Variants in TRIM13 observed in about 807,000 individuals in gnomAD.
TRIM13 encodes the protein E3 ubiquitin-protein ligase TRIM13.
Under a neutral mutation model 27.1 loss-of-function variants are expected in TRIM13, and 15 were observed. The ratio of observed to expected loss-of-function variants is 0.55; its 90% CI spans 0.37 to 0.85. The LOEUF (loss-of-function observed/expected upper bound fraction) is 0.85. TRIM13 is among the 40% of genes least tolerant of loss of function. TRIM13 has a pLI of 0.00. For missense variants in TRIM13, 402 were observed against 472.2 expected (o/e 0.85, Z 1.38); for synonymous variants, 193 against 171.5 (o/e 1.13, Z -0.98).
intron 1 of TRIM13, among the ~76,000 whole-genome samples, chr13:50,006,399 T>C (rs921527657): frequency 6.6e-6 from 1 of 152,160 alleles, no homozygotes; most frequent in Admixed American, 6.5e-5. Flanking sequence ...TATTCTTTGT[T>C]TTCTTCTTAT....
At chr13:50,007,470 A>G (rs112834585) in intron 1 of TRIM13, among the ~76,000 whole-genome samples, 24,396 of 142,456 alleles carry the variant, frequency 0.17, 2,380 homozygotes, top group African/African-American at 0.26. Context: ...CAGCCTGGGC[A>G]ACAGTGAGAC....
At position 50,015,954 on chromosome 13, in the gene TRIM13, G is replaced by GTT. The variant is rs756493088; in HGVS notation, c.*2791_*2792insTT. On this transcript the variant is annotated 3_prime_UTR_variant, in exon 2 of 2. Transcript: ENST00000378182. Reference sequence around the variant, plus strand: ...CAACCTTCAGCGCCGACCTGGAATGGTAACTTTTTCCCTCCTCAGATGACC... The same window carrying GTT: ...CAACCTTCAGCGCCGACCTGGAATGGTTTAACTTTTTCCCTCCTCAGATGACC... The GTT allele has an allele frequency of 6.2e-7, 1 of 1,614,062 alleles. No homozygotes were observed. The highest frequency in any genetic ancestry group is 2.2e-5 in the East Asian group (1 of 44,876).
intron 1 of TRIM13, among the ~76,000 whole-genome samples, chr13:50,011,044 C>T (rs533846179): frequency 5.9e-5 from 9 of 152,228 alleles, no homozygotes; most frequent in African/African-American, 1.7e-4. Flanking sequence ...TAAGTGAAAC[C>T]GGTACTCCAA....
At chr13:50,011,816 G>A in intron 1 of TRIM13, 119 bp from the exon 2 acceptor site, 1 of 1,243,956 alleles carries the variant, frequency 8.0e-7, no homozygotes, top group East Asian at 2.4e-5. Context: ...TCACTACTTT[G>A]TTTGGCTGGT....
intron 1 of TRIM13, among the ~76,000 whole-genome samples, chr13:50,008,018 C>T (rs1289403415): frequency 6.6e-6 from 1 of 151,780 alleles, no homozygotes; most frequent in Admixed American, 6.6e-5. Flanking sequence ...CATTCTCCTG[C>T]CTCAGCCTCC....
In TRIM13 at chr13:50,015,365, C is replaced by T. The variant is rs1445089501; in HGVS notation, c.*2201C>T. 1 of 723,174 alleles carries T rather than the reference C, an allele frequency of 1.4e-6. No individual in the cohort carries two copies. The highest frequency in any genetic ancestry group is 2.3e-6 in the Non-Finnish European group (1 of 425,584). The allele number at this position is 723,174 out of a possible 1,614,324, so 44.8% of individuals were successfully genotyped here. On this transcript the variant is annotated 3_prime_UTR_variant, in exon 2 of 2. Coordinates refer to ENST00000378182, the MANE Select transcript of TRIM13 (RefSeq NM_213590.3). ...TACCTTACAGTAGTTTCCTGGGAAT[C>T]TAAGTCTGGTTTTTGTTATTCTTCC...
chr13:50,016,191 G>T lies in TRIM13; in HGVS notation c.*3027G>T. 1.4e-6 allele frequency: 1 copy of T among 733,590 alleles called. No homozygotes were observed. 45.4% of individuals were successfully genotyped at this position (733,590 alleles called of 1,614,324 possible). On this transcript the variant is annotated 3_prime_UTR_variant, in exon 2 of 2. Coordinates refer to ENST00000378182, the MANE Select transcript of TRIM13 (RefSeq NM_213590.3). ...ATGATTATTCAAAATAATGTTTTGG[G>T]GTAACCAGTGGAGTTGGGTAGAATG...
At chr13:50,000,732 T>A (rs931651179) in intron 1 of TRIM13, among the ~76,000 whole-genome samples, 1 of 143,026 alleles carries the variant, frequency 7.0e-6, no homozygotes, top group Non-Finnish European at 1.6e-5. Flanking sequence ...TGGGTGGCTT[T>A]TTCTCTCTAT....
At chr13:50,010,906 A>C (rs1875545777) in intron 1 of TRIM13, among the ~76,000 whole-genome samples, 1 of 152,224 alleles carries the variant, frequency 6.6e-6, no homozygotes, top group Non-Finnish European at 1.5e-5. Context: ...TCTCCAGACA[A>C]CATCTGCCGG....
chr13:50,016,287 G>C lies in TRIM13; in HGVS notation c.*3123G>C, dbSNP rs2066549. ...GGGCTATTATTAGGTGGGACAAAAG[G>C]AATAAATGAAGACTGCCCAGAAAAA... On this transcript the variant is annotated 3_prime_UTR_variant, in exon 2 of 2. Coordinates refer to ENST00000378182, the MANE Select transcript of TRIM13 (RefSeq NM_213590.3). The C allele has an allele frequency of 0.22, 108,198 of 480,998 alleles. 13,972 individuals are homozygous for C. Among genetic ancestry groups the C allele is most frequent in the East Asian group, 0.4 (11,941 of 30,088 alleles). The allele number at this position is 480,998 out of a possible 1,614,324, so 29.8% of individuals were successfully genotyped here. A position where few individuals can be genotyped will look rare whatever the true frequency, so the allele number is the denominator to read the frequency against.
At chr13:50,002,549 CAG>C (rs992071566) in intron 1 of TRIM13, among the ~76,000 whole-genome samples, 135 of 152,112 alleles carry the variant, frequency 8.9e-4, no homozygotes, top group Admixed American at 1.4e-3. Context: ...AATGTTCAAA[CAG>C]AGAAAACTCA....
chr13:50,008,597 C>A (rs1404717720), intron 1 of TRIM13, among the ~76,000 whole-genome samples: 1 of 151,800 alleles, frequency 6.6e-6, no homozygotes, highest in Non-Finnish European at 1.5e-5. Flanking sequence ...ATAATTAGGC[C>A]ACTGTAGTCC....
chr13:49,999,679 T>C (rs934948337), intron 1 of TRIM13, among the ~76,000 whole-genome samples: 7 of 152,144 alleles, frequency 4.6e-5, no homozygotes, highest in Admixed American at 1.3e-4. Flanking sequence ...TTCCCAGATA[T>C]AAAAATCCTA....
chr13:50,011,897 G>A (rs764721598), intron 1 of TRIM13, 38 bp from the exon 2 acceptor site: 19 of 1,549,814 alleles, frequency 1.2e-5, no homozygotes, highest in South Asian at 3.8e-5. Context: ...TAGTGGTGAC[G>A]GTTATTGGAG....
intron 1 of TRIM13, among the ~76,000 whole-genome samples, chr13:50,010,430 T>C (rs749093345): frequency 1.3e-5 from 2 of 152,234 alleles, no homozygotes; most frequent in Non-Finnish European, 2.9e-5. Context: ...TGAAATTGTT[T>C]ATGAACCTGT....
chr13:50,005,874 C>T (rs1219904168), intron 1 of TRIM13, among the ~76,000 whole-genome samples: 2 of 151,228 alleles, frequency 1.3e-5, no homozygotes, highest in Non-Finnish European at 2.9e-5. Flanking sequence ...TGCGCCACCA[C>T]GCCTGGCTAA....
chr13:50,005,740 GTT>G (rs372855203), intron 1 of TRIM13, among the ~76,000 whole-genome samples: 6 of 137,882 alleles, frequency 4.4e-5, no homozygotes, highest in African/African-American at 2.6e-5. Context: ...GAAATATTTA[GTT>G]TTTTTTTTTT....
chr13:49,999,173 A>G (rs1274187857), intron 1 of TRIM13, among the ~76,000 whole-genome samples: 2 of 152,004 alleles, frequency 1.3e-5, no homozygotes, highest in African/African-American at 4.8e-5. Flanking sequence ...AGGTAAAACC[A>G]CGGGTGCAGG....
intron 1 of TRIM13, among the ~76,000 whole-genome samples, chr13:49,999,135 ACCCTATGTGGGCGTCTTGGC>A: frequency 2.6e-5 from 2 of 77,348 alleles, no homozygotes; most frequent in Non-Finnish European, 8.0e-5. Context: ...TTTCCTTGTC[ACCCTATGTGGGCGTCTTGGC>A]GATCACTAGG....
Sources: gnomAD v4.1 joint callset for allele counts (sites outside exome capture counted in the v4.1 genomes callset) on GRCh38, gnomAD v4.1.1 for gene constraint, MANE v1.5 for transcripts, NCBI Gene and HGNC (gene_info 2026-07-23, HGNC 2026-07-21) for gene names.